The following MKLN1 variants were observed in gnomAD, a reference collection of about 807,000 sequenced individuals.
MKLN1 encodes muskelin 1.
MKLN1 carries 18 observed loss-of-function variants against 99.0 expected under a neutral mutation model. That is an observed-to-expected ratio of 0.18 (90% CI 0.13 to 0.27). The LOEUF is 0.27. Among genes scored for constraint, MKLN1 ranks in the 10% least tolerant of loss-of-function variants. The pLI is 1.00. For missense variants in MKLN1, 621 were observed against 875.9 expected, an observed-to-expected ratio of 0.71 and a Z score of 3.67; for synonymous variants, 288 against 293.2, an observed-to-expected ratio of 0.98 and a Z score of 0.18.
chr7:131,449,569 T>C (rs1274716348), intron 12 of MKLN1, among the ~76,000 whole-genome samples: 1 of 152,208 alleles, frequency 6.6e-6, no homozygotes, highest in African/African-American at 2.4e-5. Flanking sequence ...CTAAAACTGT[T>C]GCAGTTATAC....
intron 3 of MKLN1, among the ~76,000 whole-genome samples, chr7:131,207,198 T>C (rs1198672459): frequency 2.0e-5 from 3 of 152,114 alleles, no homozygotes; most frequent in Non-Finnish European, 4.4e-5. Flanking sequence ...GTGTTATTTA[T>C]TTTTATTTAT....
intron 2 of MKLN1, among the ~76,000 whole-genome samples, chr7:131,174,957 A>C (rs1435428367): frequency 5.9e-4 from 1 of 1,706 alleles, no homozygotes; most frequent in Non-Finnish European, 1.5e-3. Flanking sequence ...GGTAGATGAT[A>C]GATAGATAGA....
intron 9 of MKLN1, among the ~76,000 whole-genome samples, chr7:131,432,807 T>C (rs1320515777): frequency 6.6e-6 from 1 of 152,200 alleles, no homozygotes; most frequent in African/African-American, 2.4e-5. Flanking sequence ...ATAAAAGACA[T>C]CTGGATTCAT....
intron 17 of MKLN1, among the ~76,000 whole-genome samples, chr7:131,482,898 C>G (rs1160055387): frequency 6.6e-6 from 1 of 152,168 alleles, no homozygotes; most frequent in Non-Finnish European, 1.5e-5. Context: ...ACTGTATGAT[C>G]CCCTTTTGTA....
rs150021008 is a variant in MKLN1, at chr7:131,231,998, C to T, written c.-179+29024C>T. ...ACTGAAATTATAATATTTAGTTCAG[C>T]GAACATGAAGGACACAGAAAAACAC... is the stretch of plus-strand genomic sequence containing the variant. On this transcript the variant is annotated intron_variant, in intron 3 of 7. Transcript: ENST00000416992. Among the ~76,000 whole-genome samples, 514 of 152,112 alleles carry T rather than the reference C, an allele frequency of 3.4e-3. 4 individuals carry two copies. Among genetic ancestry groups the T allele is most frequent in the African/African-American group, 0.011 (475 of 41,498 alleles).
chr7:131,389,534 TGTTTGAAAAATATTACC>T (rs1794132000), intron 4 of MKLN1, among the ~76,000 whole-genome samples: 3 of 152,140 alleles, frequency 2.0e-5, no homozygotes, highest in African/African-American at 7.2e-5. Flanking sequence ...TGCAAATCAC[TGTTTGAAAAATATTACC>T]TTAAGGCATG....
chr7:131,424,600 A>G (rs1007214243), intron 8 of MKLN1, among the ~76,000 whole-genome samples: 7 of 152,104 alleles, frequency 4.6e-5, no homozygotes, highest in African/African-American at 1.7e-4. Context: ...AGATGTGTAG[A>G]TTGGTACTAC....
At chr7:131,278,338 A>G (rs1250355793) in intron 3 of MKLN1, among the ~76,000 whole-genome samples, 2 of 151,902 alleles carry the variant, frequency 1.3e-5, no homozygotes, top group Non-Finnish European at 2.9e-5. Flanking sequence ...GTGCCTGGCC[A>G]CCTTATTTAT....
At chr7:131,468,187 A>G (rs1033757468) in intron 15 of MKLN1, among the ~76,000 whole-genome samples, 1 of 152,214 alleles carries the variant, frequency 6.6e-6, no homozygotes, top group Non-Finnish European at 1.5e-5. Flanking sequence ...GGTATGAGAG[A>G]AAGAAAGCAG....
At chr7:131,204,883 G>A (rs1431192057) in intron 3 of MKLN1, among the ~76,000 whole-genome samples, 3 of 149,020 alleles carry the variant, frequency 2.0e-5, no homozygotes, top group African/African-American at 7.4e-5. Flanking sequence ...GCAGTGAGCC[G>A]AGATCACGCC....
intron 17 of MKLN1, among the ~76,000 whole-genome samples, chr7:131,479,982 T>C (rs1584785506): frequency 1.4e-5 from 2 of 145,186 alleles, no homozygotes; most frequent in South Asian, 2.2e-4. Context: ...GATCGTGCCA[T>C]TGCACTCCAG....
intron 3 of MKLN1, among the ~76,000 whole-genome samples, chr7:131,220,934 G>A (rs969607695): frequency 3.3e-5 from 5 of 152,058 alleles, no homozygotes; most frequent in African/African-American, 1.2e-4. Flanking sequence ...TTCTATGAAT[G>A]CACTATGAAA....
intron 3 of MKLN1, among the ~76,000 whole-genome samples, chr7:131,224,148 C>A (rs1180193483): frequency 2.0e-5 from 3 of 152,216 alleles, no homozygotes; most frequent in Admixed American, 6.5e-5. Context: ...AACCTGTAAT[C>A]CCAGCACTTT....
chr7:131,122,757 C>T (rs1236358277), intron 1 of MKLN1, among the ~76,000 whole-genome samples: 1 of 152,032 alleles, frequency 6.6e-6, no homozygotes, highest in Non-Finnish European at 1.5e-5. Flanking sequence ...TGCGGTGGCT[C>T]ATGCCTGTAA....
chr7:131,446,804 G>A (rs192436129), intron 12 of MKLN1, among the ~76,000 whole-genome samples: 114 of 152,242 alleles, frequency 7.5e-4, no homozygotes, highest in African/African-American at 4.6e-4. Flanking sequence ...AGGCACAGTC[G>A]CATATGCCTG....
chr7:131,141,170 A>G (rs1214032033), intron 1 of MKLN1, among the ~76,000 whole-genome samples: 1 of 151,998 alleles, frequency 6.6e-6, no homozygotes, highest in African/African-American at 2.4e-5. Context: ...CATCTCATTC[A>G]TCGCTGTGAA....
chr7:131,449,451 T>C (rs894677761), intron 12 of MKLN1, among the ~76,000 whole-genome samples: 1 of 152,222 alleles, frequency 6.6e-6, no homozygotes, highest in Non-Finnish European at 1.5e-5. Flanking sequence ...TCCAAGTGGT[T>C]AATTTTGACA....
rs1009852391 is a variant in MKLN1, at chr7:131,399,109, G to A, written c.511-132G>A. The A allele has an allele frequency of 3.3e-5, 24 of 738,438 alleles. No individual in the cohort carries two copies. The South Asian group carries it at 4.1e-4, about 12-fold the overall frequency. 45.7% of individuals were successfully genotyped at this position (738,438 alleles called of 1,614,324 possible). On this transcript the variant is annotated intron_variant, in intron 5 of 17. Transcript: ENST00000352689. ...CAAATAATGATACCTAATGAATCAG[G>A]TTAGTAAACTGCTTGGCACATAGTG...
chr7:131,466,940 C>G lies in MKLN1; in HGVS notation c.1928+525C>G, dbSNP rs1269459870. On this transcript the variant is annotated intron_variant, in intron 15 of 17. Coordinates refer to ENST00000352689, the MANE Select transcript of MKLN1 (RefSeq NM_013255.5). The stretch of plus-strand genomic sequence containing the variant: ...ACACACACACGCGCGCGCGCGCACA[C>G]ACGCACGCAGGCACCCTGAGTCATG... Among the ~76,000 whole-genome samples the G allele has an allele frequency of 2.0e-5, 3 of 152,172 alleles. No individual in the cohort carries two copies. In the South Asian group the frequency reaches 6.2e-4, roughly 31 times the overall value.
Sources: gnomAD v4.1 joint callset for allele counts (sites outside exome capture counted in the v4.1 genomes callset) on GRCh38, gnomAD v4.1.1 for gene constraint, MANE v1.5 for transcripts, NCBI Gene and HGNC (gene_info 2026-07-23, HGNC 2026-07-21) for gene names.